Variants in HORMAD2 observed in about 807,000 individuals in gnomAD.
The protein encoded by HORMAD2 is HORMA domain-containing protein 2.
HORMAD2 carries 45 observed loss-of-function variants against 38.8 expected under a neutral mutation model. The ratio of observed to expected loss-of-function variants is 1.16; its 90% CI spans 0.91 to 1.49. The LOEUF is 1.49. HORMAD2 is among the 40% of genes most tolerant of loss of function. The probability of loss-of-function intolerance (pLI) is 0.00; values close to 1 mark genes in which losing one functional copy is unlikely to be tolerated. For missense variants in HORMAD2, 338 were observed against 367.0 expected, an observed-to-expected ratio of 0.92 and a Z score of 0.65; for synonymous variants, 126 against 122.8, an observed-to-expected ratio of 1.03 and a Z score of -0.17.
At chr22:30,082,724 T>C (rs1347161556) in intron 1 of HORMAD2, among the ~76,000 whole-genome samples, 2 of 148,154 alleles carry the variant, frequency 1.3e-5, no homozygotes, top group African/African-American at 5.0e-5. Flanking sequence ...AGCCCAGAAG[T>C]TTGAGGTTGC....
intron 10 of HORMAD2, among the ~76,000 whole-genome samples, chr22:30,173,301 C>G (rs1926232876): frequency 6.6e-6 from 1 of 152,178 alleles, no homozygotes; most frequent in Non-Finnish European, 1.5e-5. Flanking sequence ...ACTACTTGTG[C>G]TCCAGAGTGG....
Position 30,176,453 on chromosome 22 carries a change from C to G in HORMAD2, c.*286C>G. On this transcript the variant is annotated 3_prime_UTR_variant, in exon 11 of 11. Coordinates refer to ENST00000336726, the MANE Select transcript of HORMAD2 (RefSeq NM_152510.4). ...TATTATATTTGTAAAAGAACCACAG[C>G]AGCTATTTTGGAAAGAAGCTGTTGT... The G allele has an allele frequency of 3.4e-6, 1 of 297,902 alleles. No homozygotes were observed. Among genetic ancestry groups the G allele is most frequent in the South Asian group, 6.5e-5 (1 of 15,496 alleles). 18.5% of individuals were successfully genotyped at this position (297,902 alleles called of 1,614,324 possible).
chr22:30,111,782 T>C lies in HORMAD2; in HGVS notation c.295-14T>C. 2.0e-6 allele frequency: 3 copies of C among 1,538,256 alleles called. No individual in the cohort carries two copies. Among genetic ancestry groups the C allele is most frequent in the South Asian group, 1.2e-5 (1 of 81,424 alleles). On this transcript the variant is annotated splice_polypyrimidine_tract_variant and intron_variant, in intron 5 of 10. Transcript: ENST00000336726. ...GTATGTAATAATAATAGTTTTTTTTTCTTTCTCTTGAAGCTACGTATGGCA... is the reference window on the plus strand; with the variant it reads ...GTATGTAATAATAATAGTTTTTTTTCCTTTCTCTTGAAGCTACGTATGGCA...
intron 3 of HORMAD2, among the ~76,000 whole-genome samples, chr22:30,099,495 C>T (rs1256909844): frequency 6.6e-6 from 1 of 152,116 alleles, no homozygotes; most frequent in Non-Finnish European, 1.5e-5. Context: ...ATTGCCAGGT[C>T]TTCTACTTTC....
chr22:30,124,089 T>C (rs754151446), intron 10 of HORMAD2, among the ~76,000 whole-genome samples: 2 of 152,092 alleles, frequency 1.3e-5, no homozygotes, highest in African/African-American at 4.8e-5. Context: ...CAAGCATACA[T>C]TTAGTTGAAA....
At chr22:30,191,560 A>G in the HORMAD2 span, among the ~76,000 whole-genome samples, 1 of 152,202 alleles carries the variant, frequency 6.6e-6, no homozygotes, top group Non-Finnish European at 1.5e-5. Context: ...TCCTCTCAAT[A>G]TGGTATGATG....
intron 10 of HORMAD2, among the ~76,000 whole-genome samples, chr22:30,155,849 C>T (rs1413351523): frequency 6.6e-6 from 1 of 152,104 alleles, no homozygotes; most frequent in South Asian, 2.1e-4. Flanking sequence ...TGATCAGTTC[C>T]CTTAAATGTA....
intron 10 of HORMAD2, among the ~76,000 whole-genome samples, chr22:30,148,582 G>T (rs764223605): frequency 3.3e-5 from 5 of 152,154 alleles, no homozygotes; most frequent in African/African-American, 7.2e-5. Context: ...GTGATCCATA[G>T]TGTTAATCAG....
At chr22:30,199,859 C>T in the HORMAD2 span, among the ~76,000 whole-genome samples, 1 of 151,806 alleles carries the variant, frequency 6.6e-6, no homozygotes, top group Non-Finnish European at 1.5e-5. Context: ...CCTGTAATCT[C>T]AGCACTTGGA....
chr22:30,145,227 T>C (rs957486254), intron 10 of HORMAD2, among the ~76,000 whole-genome samples: 1 of 152,174 alleles, frequency 6.6e-6, no homozygotes, highest in Non-Finnish European at 1.5e-5. Context: ...TTACACAATA[T>C]TCTGGCAAAG....
At chr22:30,129,313 T>C (rs1033557244) in intron 10 of HORMAD2, among the ~76,000 whole-genome samples, 1 of 132,734 alleles carries the variant, frequency 7.5e-6, no homozygotes, top group African/African-American at 2.8e-5. Flanking sequence ...TAAAGACATA[T>C]AAGATATAGC....
At chr22:30,188,097 A>G in the HORMAD2 span, among the ~76,000 whole-genome samples, 4 of 152,156 alleles carry the variant, frequency 2.6e-5, no homozygotes, top group Admixed American at 6.5e-5. Flanking sequence ...TTTCTGGTAA[A>G]CAAAACTGTT....
chr22:30,114,794 T>C (rs1404771044), intron 7 of HORMAD2, among the ~76,000 whole-genome samples: 1 of 152,194 alleles, frequency 6.6e-6, no homozygotes, highest in African/African-American at 2.4e-5. Context: ...TTTTCAGCAT[T>C]CTACAAAGTT....
At chr22:30,186,751 A>G in the HORMAD2 span, among the ~76,000 whole-genome samples, 4 of 152,146 alleles carry the variant, frequency 2.6e-5, no homozygotes, top group Non-Finnish European at 5.9e-5. Context: ...GGTTTACCCA[A>G]GGCTATCAAC....
intron 10 of HORMAD2, among the ~76,000 whole-genome samples, chr22:30,172,958 A>T (rs1046651627): frequency 2.0e-5 from 3 of 152,254 alleles, no homozygotes; most frequent in African/African-American, 7.2e-5. Flanking sequence ...AGTAGGCCTG[A>T]TAATACTGCA....
rs148631697 is a variant in HORMAD2, at chr22:30,173,941, T to G, written c.820-2122T>G. 5.8e-3 allele frequency among the ~76,000 whole-genome samples: 882 copies of G among 152,334 alleles called. 11 individuals are homozygous for G. Among genetic ancestry groups the G allele is most frequent in the African/African-American group, 0.02 (839 of 41,576 alleles). On this transcript the variant is annotated intron_variant, in intron 10 of 10. Coordinates refer to ENST00000336726, the MANE Select transcript of HORMAD2 (RefSeq NM_152510.4). ...CTGCTACCAAATCAGCTGGCTATCC[T>G]ATTTGTGCTTAAGGCAAAGCCTACT...
intron 10 of HORMAD2, among the ~76,000 whole-genome samples, chr22:30,146,461 C>T (rs1208005054): frequency 6.6e-6 from 1 of 152,142 alleles, no homozygotes; most frequent in African/African-American, 2.4e-5. Context: ...TGCCACTGCA[C>T]TCCAGCCTGG....
At chr22:30,165,350 C>A (rs1033686936) in intron 10 of HORMAD2, among the ~76,000 whole-genome samples, 3 of 152,132 alleles carry the variant, frequency 2.0e-5, no homozygotes, top group African/African-American at 7.2e-5. Context: ...AGACCTCCAA[C>A]TTTGTTTTTC....
At chr22:30,127,498 C>T (rs535599571) in intron 10 of HORMAD2, among the ~76,000 whole-genome samples, 78 of 152,198 alleles carry the variant, frequency 5.1e-4, no homozygotes, top group Non-Finnish European at 5.7e-4. Flanking sequence ...TGAACCACCA[C>T]GCCCAGCCTA....
Sources: allele counts gnomAD v4.1 joint callset (sites outside exome capture counted in the v4.1 genomes callset), GRCh38; gene constraint gnomAD v4.1.1; transcripts MANE v1.5; gene names NCBI Gene and HGNC (gene_info 2026-07-23, HGNC 2026-07-21).